The following PODXL variants were observed in gnomAD, a reference collection of about 807,000 sequenced individuals.
The protein encoded by PODXL is podocalyxin.
A neutral mutation model predicts 48.9 loss-of-function variants in PODXL; 20 were observed. That is an observed-to-expected ratio of 0.41 (90% CI 0.29 to 0.59). The LOEUF is 0.59. Ranked by LOEUF, PODXL falls within the 20% of genes least tolerant of loss-of-function variation. The pLI, the probability that PODXL is intolerant of heterozygous loss-of-function variation, is 0.31. For missense variants in PODXL, 606 were observed against 675.1 expected (o/e 0.90, Z 1.13); for synonymous variants, 295 against 287.4 (o/e 1.03, Z -0.27).
intron 1 of PODXL, among the ~76,000 whole-genome samples, chr7:131,548,283 G>A (rs1798614240): frequency 6.6e-6 from 1 of 152,258 alleles, no homozygotes; most frequent in African/African-American, 2.4e-5. Context: ...CAGTTCTGCA[G>A]TAGCATTTGC....
chr7:131,537,258 G>A, intron 1 of PODXL, among the ~76,000 whole-genome samples: 1 of 151,870 alleles, frequency 6.6e-6, no homozygotes, highest in Admixed American at 6.6e-5. Flanking sequence ...GCTGCAGTGA[G>A]CCATCATTGC....
At chr7:131,509,068 C>T in intron 4 of PODXL, 40 bp from the exon 5 acceptor site, 1 of 1,532,978 alleles carries the variant, frequency 6.5e-7, no homozygotes, top group East Asian at 2.2e-5. Context: ...GGCTAATAGT[C>T]ATGGAATCTT....
Position 131,543,761 on chromosome 7 carries a change from C to T in PODXL, c.100+12499G>A, listed in dbSNP as rs566560482. ...AGAAAGGGCCGAGGCCAGCAAAACACGAAGAGCCCCCAGGACACTACAGGA... is the reference window on the plus strand; with the variant it reads ...AGAAAGGGCCGAGGCCAGCAAAACATGAAGAGCCCCCAGGACACTACAGGA... On this transcript the variant is annotated intron_variant, in intron 1 of 8. Coordinates refer to ENST00000378555, the MANE Select transcript of PODXL (RefSeq NM_001018111.3). Among the ~76,000 whole-genome samples, 3 of 152,242 alleles carry T rather than the reference C, an allele frequency of 2.0e-5. No homozygotes were observed. The East Asian group carries it at 5.8e-4, about 29-fold the overall frequency.
In PODXL at chr7:131,549,100, T is replaced by A. The variant is rs138685696; in HGVS notation, c.100+7160A>T. ...AAACAAACAAACCAATGAACACATA[T>A]CAGGTGACGAGTGCTATGGAGAAAA... On this transcript the variant is annotated intron_variant, in intron 1 of 8. Transcript: ENST00000378555. Among the ~76,000 whole-genome samples the A allele has an allele frequency of 4.1e-3, 628 of 151,928 alleles. 2 individuals carry two copies. Among genetic ancestry groups the A allele is most frequent in the African/African-American group, 0.014 (594 of 41,410 alleles).
At chr7:131,551,755 T>A (rs1341553863) in intron 1 of PODXL, among the ~76,000 whole-genome samples, 2 of 151,478 alleles carry the variant, frequency 1.3e-5, no homozygotes, top group Admixed American at 1.3e-4. Flanking sequence ...GCTAACATGG[T>A]GAATCCCCGT....
intron 1 of PODXL, among the ~76,000 whole-genome samples, chr7:131,540,301 A>G (rs1328810885): frequency 6.6e-6 from 1 of 151,898 alleles, no homozygotes; most frequent in African/African-American, 2.4e-5. Flanking sequence ...CCTGCCTCAG[A>G]CTCCCAAAGT....
intron 1 of PODXL, among the ~76,000 whole-genome samples, chr7:131,512,678 C>G (rs1041657260): frequency 6.6e-6 from 1 of 152,094 alleles, no homozygotes; most frequent in African/African-American, 2.4e-5. Flanking sequence ...ATAAAAGGCC[C>G]TCTTAAAAAT....
intron 1 of PODXL, among the ~76,000 whole-genome samples, chr7:131,526,288 A>T (rs538141714): frequency 1.5e-4 from 23 of 152,336 alleles, no homozygotes; most frequent in African/African-American, 5.3e-4. Context: ...AAGAGCTCAT[A>T]ATGGCCAAAC....
Position 131,503,817 on chromosome 7 carries a change from C to T in PODXL, c.*494G>A, listed in dbSNP as rs1247165257. 1 of 161,116 alleles carries T rather than the reference C, an allele frequency of 6.2e-6. No individual in the cohort carries two copies. The highest frequency in any genetic ancestry group is 1.4e-5 in the Non-Finnish European group (1 of 74,016). 10.0% of individuals were successfully genotyped at this position (161,116 alleles called of 1,614,324 possible). A position where few individuals can be genotyped will look rare whatever the true frequency, so the allele number is the denominator to read the frequency against. ...GATCCCACCGAGCCAGGATGTAGCCCTGCCCTCCTTTCCAGCCCAGCCACC... is the reference window on the plus strand; with the variant it reads ...GATCCCACCGAGCCAGGATGTAGCCTTGCCCTCCTTTCCAGCCCAGCCACC... On this transcript the variant is annotated 3_prime_UTR_variant, in exon 9 of 9. Transcript: ENST00000378555.
intron 8 of PODXL, 96 bp downstream of exon 8, chr7:131,505,772 G>T (rs1797787130): frequency 4.0e-6 from 5 of 1,247,178 alleles, no homozygotes; most frequent in East Asian, 2.5e-5. Flanking sequence ...TCCAGGGCCT[G>T]CTCCCTTTCC....
chr7:131,550,074 C>T (rs759883943), intron 1 of PODXL, among the ~76,000 whole-genome samples: 16 of 152,222 alleles, frequency 1.1e-4, no homozygotes, highest in Admixed American at 2.0e-4. Context: ...TGCAGCTGAA[C>T]GCTGCATTTT....
intron 3 of PODXL, among the ~76,000 whole-genome samples, chr7:131,509,846 C>G (rs1797879108): frequency 6.6e-6 from 1 of 152,210 alleles, no homozygotes; most frequent in Admixed American, 6.5e-5. Flanking sequence ...TCACAATCCT[C>G]TGGGGAAGGA....
intron 1 of PODXL, among the ~76,000 whole-genome samples, chr7:131,527,452 TA>T (rs1187213792): frequency 6.6e-6 from 1 of 152,176 alleles, no homozygotes; most frequent in Admixed American, 6.5e-5. Context: ...TAGTTATCTC[TA>T]GGGGGAAACA....
At chr7:131,555,049 C>T (rs144578532) in intron 1 of PODXL, among the ~76,000 whole-genome samples, 7 of 152,226 alleles carry the variant, frequency 4.6e-5, no homozygotes, top group South Asian at 2.1e-4. Flanking sequence ...AGGATGCCCA[C>T]GCCTGCCTGC....
At chr7:131,506,768 C>G (rs1584807486) in intron 5 of PODXL, 42 bp from the exon 6 acceptor site, 1 of 1,598,606 alleles carries the variant, frequency 6.3e-7, no homozygotes, top group Non-Finnish European at 8.5e-7. Context: ...GGGAGCGTGA[C>G]AGCAGCCTAG....
chr7:131,509,228 G>A (rs896918696), intron 4 of PODXL, 137 bp downstream of exon 4: 1 of 825,316 alleles, frequency 1.2e-6, no homozygotes, highest in Non-Finnish European at 2.0e-6. Flanking sequence ...CAGGGAGAGG[G>A]AGGAGGGAAT....
chr7:131,512,499 G>A lies in PODXL; in HGVS notation c.101-1066C>T, dbSNP rs571835148. On this transcript the variant is annotated intron_variant, in intron 1 of 8. Coordinates refer to ENST00000378555, the MANE Select transcript of PODXL (RefSeq NM_001018111.3). Reference sequence around the variant, plus strand: ...CTGTGTGAAGAATGGGAGGAGAAGTGTCCCCAGCAGAAGGAACAGAATCTG... The same window carrying A: ...CTGTGTGAAGAATGGGAGGAGAAGTATCCCCAGCAGAAGGAACAGAATCTG... Among the ~76,000 whole-genome samples, 17 of 152,252 alleles carry A rather than the reference G, an allele frequency of 1.1e-4. No individual in the cohort carries two copies. In the South Asian group the frequency reaches 2.3e-3, roughly 20 times the overall value.
chr7:131,519,211 G>A (rs910039951), intron 1 of PODXL, among the ~76,000 whole-genome samples: 2 of 152,164 alleles, frequency 1.3e-5, no homozygotes, highest in Non-Finnish European at 2.9e-5. Flanking sequence ...TCCTGTCACT[G>A]TCCAGTTTGG....
Position 131,510,974 on chromosome 7 carries a change from A to G in PODXL, c.560T>C (p.Leu187Pro). 1 of 1,614,082 alleles carries G rather than the reference A, an allele frequency of 6.2e-7. No individual in the cohort carries two copies. Among genetic ancestry groups the G allele is most frequent in the Non-Finnish European group, 8.5e-7 (1 of 1,180,008 alleles). The stretch of plus-strand genomic sequence containing the variant: ...CGTCGAAGTGGGTTGTCGGGGGCTA[A>G]GTGGACTTGTAGGGTGAGGGGTCGT... The part of the protein sequence containing the change: ...HLTTPHPTSP[L>P]SPRQPTSTHP... Residue 187 changes from leucine to proline, a missense_variant, in exon 2 of 9, where the codon CTT (leucine) becomes CCT (proline). Transcript: ENST00000378555.
Sources: gnomAD v4.1 joint callset for allele counts (sites outside exome capture counted in the v4.1 genomes callset) on GRCh38, gnomAD v4.1.1 for gene constraint, MANE v1.5 for transcripts, NCBI Gene and HGNC (gene_info 2026-07-23, HGNC 2026-07-21) for gene names.